The following CNOT2 variants were observed in gnomAD, a reference collection of about 807,000 sequenced individuals.
CNOT2 encodes the protein CCR4-NOT transcription complex subunit 2.
A neutral mutation model predicts 72.1 loss-of-function variants in CNOT2; 7 were observed. The ratio of observed to expected loss-of-function variants is 0.10; its 90% confidence interval spans 0.06 to 0.18. The LOEUF (loss-of-function observed/expected upper bound fraction) is 0.18. Ranked by LOEUF, CNOT2 falls within the 10% of genes least tolerant of loss-of-function variation. The pLI is 1.00. For synonymous variants in CNOT2, 196 were observed against 225.6 expected (o/e 0.87, Z 1.17); for missense variants, 345 against 660.3 (o/e 0.52, Z 5.23).
intron 1 of CNOT2, among the ~76,000 whole-genome samples, chr12:70,263,804 T>C (rs942471771): frequency 6.6e-6 from 1 of 152,194 alleles, no homozygotes; most frequent in Non-Finnish European, 1.5e-5. Flanking sequence ...TTGCAGCATC[T>C]CTGGATACTG....
At chr12:70,316,013 A>C (rs1420048864) in intron 3 of CNOT2, among the ~76,000 whole-genome samples, 2 of 152,166 alleles carry the variant, frequency 1.3e-5, no homozygotes. Context: ...AGCTGCTGCT[A>C]CCATTTATTG....
At chr12:70,265,063 CTTTATA>C (rs1338821473) in intron 1 of CNOT2, among the ~76,000 whole-genome samples, 1 of 151,348 alleles carries the variant, frequency 6.6e-6, no homozygotes, top group Non-Finnish European at 1.5e-5. Context: ...GAATTTTTGC[CTTTATA>C]TTTATGAGGA....
At chr12:70,337,668 T>A in intron 9 of CNOT2, 155 bp downstream of exon 9, 1 of 819,750 alleles carries the variant, frequency 1.2e-6, no homozygotes, top group Non-Finnish European at 2.0e-6. Context: ...GCTTTATAAC[T>A]TAGAAGATAG....
At chr12:70,280,880 A>G (rs183926529) in intron 2 of CNOT2, among the ~76,000 whole-genome samples, 1 of 152,330 alleles carries the variant, frequency 6.6e-6, no homozygotes, top group East Asian at 1.9e-4. Context: ...ATAGACTGGC[A>G]TATTAGTTCA....
At chr12:70,318,845 C>T (rs190237965) in intron 3 of CNOT2, among the ~76,000 whole-genome samples, 1 of 151,630 alleles carries the variant, frequency 6.6e-6, no homozygotes, top group East Asian at 1.9e-4. Context: ...ACATTCATTT[C>T]TATGAGGATA....
intron 1 of CNOT2, among the ~76,000 whole-genome samples, chr12:70,259,045 C>T (rs1488494056): frequency 6.6e-6 from 1 of 152,178 alleles, no homozygotes; most frequent in African/African-American, 2.4e-5. Context: ...ATACTCTTCA[C>T]AGTTGTTACA....
intron 11 of CNOT2, among the ~76,000 whole-genome samples, chr12:70,340,987 C>T (rs1311598881): frequency 6.6e-6 from 1 of 150,720 alleles, no homozygotes; most frequent in African/African-American, 2.4e-5. Flanking sequence ...CCTCCACCTC[C>T]CAGGTCCAAG....
intron 2 of CNOT2, among the ~76,000 whole-genome samples, chr12:70,283,675 A>T (rs1382133575): frequency 2.0e-5 from 3 of 151,060 alleles, no homozygotes; most frequent in Non-Finnish European, 3.0e-5. Context: ...AAAGGAAAAA[A>T]GCCTGAATCC....
chr12:70,354,350 A>T lies in CNOT2; in HGVS notation c.*435A>T, dbSNP rs1883234352. 6.4e-6 allele frequency: 1 copy of T among 157,174 alleles called. No individual in the cohort carries two copies. The highest frequency in any genetic ancestry group is 2.0e-4 in the South Asian group (1 of 4,892). 9.7% of individuals were successfully genotyped at this position (157,174 alleles called of 1,614,324 possible). A position where few individuals can be genotyped will look rare whatever the true frequency, so the allele number is the denominator to read the frequency against. ...AAATAACAAATGTTTGTGCATTTTT[A>T]TGTGAAGATCCTTCTCGTATTTCAT... On this transcript the variant is annotated 3_prime_UTR_variant, in exon 16 of 16. Coordinates refer to ENST00000229195, the MANE Select transcript of CNOT2 (RefSeq NM_014515.7).
intron 4 of CNOT2, among the ~76,000 whole-genome samples, chr12:70,325,522 G>A (rs1878951340): frequency 6.6e-6 from 1 of 151,840 alleles, no homozygotes; most frequent in Non-Finnish European, 1.5e-5. Flanking sequence ...CTCATTACTT[G>A]TGATCTTGAG....
intron 2 of CNOT2, among the ~76,000 whole-genome samples, chr12:70,291,454 G>A (rs1871882271): frequency 6.6e-6 from 1 of 152,168 alleles, no homozygotes. Flanking sequence ...TAAAACAAAT[G>A]TGCTTGGTAG....
chr12:70,306,598 T>TA lies in CNOT2; in HGVS notation c.49-4288dup, dbSNP rs59922447. On this transcript the variant is annotated intron_variant, in intron 2 of 15. Transcript: ENST00000229195. Reference sequence around the variant, plus strand: ...GCTACATGCATATATTCTTTCCTGGTAAAAAAAAATCTCAATTTGTCTTAG... The same window carrying TA: ...GCTACATGCATATATTCTTTCCTGGTAAAAAAAAAATCTCAATTTGTCTTAG... Among the ~76,000 whole-genome samples the TA allele has an allele frequency of 1.8e-3, 281 of 151,966 alleles. 2 individuals carry two copies. The highest frequency in any genetic ancestry group is 6.0e-3 in the African/African-American group (249 of 41,418).
At chr12:70,285,867 T>A (rs922490175) in intron 2 of CNOT2, among the ~76,000 whole-genome samples, 1 of 151,998 alleles carries the variant, frequency 6.6e-6, no homozygotes, top group Non-Finnish European at 1.5e-5. Flanking sequence ...AGTTTGAAAT[T>A]GGGAGAGATT....
intron 1 of CNOT2, among the ~76,000 whole-genome samples, chr12:70,250,950 A>T (rs1958115686): frequency 6.6e-6 from 1 of 152,018 alleles, no homozygotes; most frequent in South Asian, 2.1e-4. Context: ...GGAAGGAGGG[A>T]TTATTTTTTA....
In CNOT2 at chr12:70,342,294, A is replaced by C; in HGVS notation, c.1277A>C (p.His426Pro). The C allele has an allele frequency of 6.2e-7, 1 of 1,613,634 alleles. No individual in the cohort carries two copies. Among genetic ancestry groups the C allele is most frequent in the East Asian group, 2.2e-5 (1 of 44,820 alleles). The change falls in exon 13 of 16, where the codon CAC (histidine) becomes CCC (proline). Residue 426 changes from histidine to proline, a missense_variant. Physicochemically the swap from His to Pro is moderately conservative, Grantham distance 77 (BLOSUM62 -2). Coordinates refer to ENST00000229195, the MANE Select transcript of CNOT2 (RefSeq NM_014515.7). ...HVPSEYLTNIHIRDKLAAIKL... is the reference protein window; with the variant it reads ...HVPSEYLTNIPIRDKLAAIKL... ...CCATCTGAGTACTTAACGAACATTC[A>C]CATTAGGGATAAGGTGAGTGTAGTT...
intron 2 of CNOT2, chr12:70,307,549 A>G (rs1875645279): frequency 6.6e-6 from 1 of 151,582 alleles, no homozygotes; most frequent in Non-Finnish European, 1.5e-5. Context: ...CATGCTGCAC[A>G]TGACTGTCGT....
At chr12:70,342,342 G>T in intron 13 of CNOT2, 35 bp downstream of exon 13, 1 of 1,606,158 alleles carries the variant, frequency 6.2e-7, no homozygotes, top group South Asian at 1.1e-5. Context: ...CAGTCAGCAT[G>T]AATTTATCTA....
chr12:70,295,034 A>G (rs1255125758), intron 2 of CNOT2, among the ~76,000 whole-genome samples: 1 of 152,138 alleles, frequency 6.6e-6, no homozygotes, highest in African/African-American at 2.4e-5. Context: ...TCTAAACATC[A>G]CAGATTTAAT....
intron 3 of CNOT2, among the ~76,000 whole-genome samples, chr12:70,315,501 AT>A (rs148002474): frequency 6.6e-6 from 1 of 152,124 alleles, no homozygotes; most frequent in Non-Finnish European, 1.5e-5. Context: ...CTTAAATATC[AT>A]TTTTTAATTG....
Sources: gnomAD v4.1 joint callset for allele counts (sites outside exome capture counted in the v4.1 genomes callset) on GRCh38, gnomAD v4.1.1 for gene constraint, MANE v1.5 for transcripts, NCBI Gene and HGNC (gene_info 2026-07-23, HGNC 2026-07-21) for gene names.